ERP44: variants seen among roughly 807,000 people sequenced by gnomAD.
ERP44 encodes endoplasmic reticulum resident protein 44.
In ERP44, 25 loss-of-function variants were observed where a neutral mutation model predicts 53.4. The ratio of observed to expected loss-of-function variants is 0.47; its 90% CI spans 0.34 to 0.65. The LOEUF (loss-of-function observed/expected upper bound fraction) is 0.65, where lower values mean the gene tolerates loss of function less well. Among genes scored for constraint, ERP44 ranks in the 30% least tolerant of loss-of-function variants. ERP44 has a pLI of 0.01. For missense variants in ERP44, 338 were observed against 493.2 expected, an observed-to-expected ratio of 0.69 and a Z score of 2.98; for synonymous variants, 145 against 161.2, an observed-to-expected ratio of 0.90 and a Z score of 0.76.
At chr9:100,034,533 T>G (rs532775123) in intron 4 of ERP44, among the ~76,000 whole-genome samples, 3 of 152,072 alleles carry the variant, frequency 2.0e-5, no homozygotes, top group African/African-American at 4.8e-5. Context: ...TTTTATTCCC[T>G]TGCTTTCCTA....
At chr9:99,994,675 A>C (rs1830291936) in intron 10 of ERP44, among the ~76,000 whole-genome samples, 4 of 152,152 alleles carry the variant, frequency 2.6e-5, no homozygotes. Context: ...ATCTATTACC[A>C]TACTTGTATG....
At chr9:100,066,764 A>C (rs1243782062) in intron 1 of ERP44, among the ~76,000 whole-genome samples, 1 of 152,208 alleles carries the variant, frequency 6.6e-6, no homozygotes, top group Admixed American at 6.5e-5. Context: ...CTCGCAGATA[A>C]GAGAAGTATA....
chr9:100,043,291 A>AAAAAAAAAAAACAAAAAAAAAG (rs1168903331), intron 4 of ERP44, among the ~76,000 whole-genome samples: 1 of 74,878 alleles, frequency 1.3e-5, no homozygotes, highest in Non-Finnish European at 2.3e-5. Context: ...AAAAAAAAAA[A>AAAAAAAAAAAACAAAAAAAAAG]GATAAATAAG....
chr9:100,060,050 ACT>A (rs1826126574), intron 2 of ERP44, 48 bp downstream of exon 2: 1 of 1,316,890 alleles, frequency 7.6e-7, no homozygotes, highest in Non-Finnish European at 9.8e-7. Context: ...ATATAAACTA[ACT>A]CTCTATAGAG....
chr9:99,988,353 AAG>A (rs955030886), intron 10 of ERP44, among the ~76,000 whole-genome samples: 1 of 152,202 alleles, frequency 6.6e-6, no homozygotes, highest in African/African-American at 2.4e-5. Context: ...CCAGGTCATA[AAG>A]AGTTTCTCCT....
At chr9:100,040,436 T>C (rs1391406665) in intron 4 of ERP44, among the ~76,000 whole-genome samples, 1 of 152,192 alleles carries the variant, frequency 6.6e-6, no homozygotes, top group Non-Finnish European at 1.5e-5. Flanking sequence ...TTTCAATTGA[T>C]GCTGAAAAAG....
intron 4 of ERP44, among the ~76,000 whole-genome samples, chr9:100,043,291 A>AAAAAAAAAAAAAAAAAAAAAACAAAAAAG (rs1168903331): frequency 1.3e-5 from 1 of 74,878 alleles, no homozygotes; most frequent in Non-Finnish European, 2.3e-5. Context: ...AAAAAAAAAA[A>AAAAAAAAAAAAAAAAAAAAAACAAAAAAG]GATAAATAAG....
At chr9:100,053,317 TTTTAC>T (rs1405816457) in intron 3 of ERP44, among the ~76,000 whole-genome samples, 1 of 152,208 alleles carries the variant, frequency 6.6e-6, no homozygotes, top group African/African-American at 2.4e-5. Context: ...TTCTTTTTTC[TTTTAC>T]TTTAAACACA....
At chr9:100,040,116 T>C (rs1479882943) in intron 4 of ERP44, among the ~76,000 whole-genome samples, 1 of 152,192 alleles carries the variant, frequency 6.6e-6, no homozygotes. Flanking sequence ...ATACCAATCC[T>C]ACTCAAACTA....
intron 4 of ERP44, among the ~76,000 whole-genome samples, chr9:100,039,835 G>C (rs1825883596): frequency 6.6e-6 from 1 of 151,982 alleles, no homozygotes; most frequent in African/African-American, 2.4e-5. Flanking sequence ...TGAAAAAGGA[G>C]ACATCACAAC....
chr9:100,048,320 A>G (rs1422897026), intron 4 of ERP44, among the ~76,000 whole-genome samples: 1 of 152,124 alleles, frequency 6.6e-6, no homozygotes, highest in African/African-American at 2.4e-5. Context: ...CTTAAAGTAT[A>G]ATAATAATAA....
At chr9:99,985,158 A>C in intron 10 of ERP44, 89 bp from the exon 11 acceptor site, 1 of 799,588 alleles carries the variant, frequency 1.3e-6, no homozygotes, top group Non-Finnish European at 2.1e-6. Flanking sequence ...ACTTTTGCTA[A>C]CCTATAGTCC....
At chr9:100,024,812 C>A (rs542452123) in intron 4 of ERP44, among the ~76,000 whole-genome samples, 1 of 152,192 alleles carries the variant, frequency 6.6e-6, no homozygotes, top group African/African-American at 2.4e-5. Flanking sequence ...ACTGGTATGA[C>A]CTCATGTTGT....
chr9:100,096,350 T>C (rs1826628440), intron 1 of ERP44, among the ~76,000 whole-genome samples: 1 of 151,154 alleles, frequency 6.6e-6, no homozygotes, highest in South Asian at 2.1e-4. Context: ...GCTAATTAAA[T>C]CTATCTATCT....
intron 1 of ERP44, among the ~76,000 whole-genome samples, chr9:100,090,943 C>T (rs569483481): frequency 3.3e-5 from 5 of 152,218 alleles, no homozygotes; most frequent in African/African-American, 9.6e-5. Flanking sequence ...GACCTAACAA[C>T]CTTTTTCTAA....
intron 4 of ERP44, among the ~76,000 whole-genome samples, chr9:100,041,075 A>C (rs1825895505): frequency 6.6e-6 from 1 of 152,160 alleles, no homozygotes; most frequent in Admixed American, 6.5e-5. Flanking sequence ...TATTACTACC[A>C]AAAGCAATCT....
intron 1 of ERP44, among the ~76,000 whole-genome samples, chr9:100,084,252 A>C (rs933349197): frequency 1.3e-5 from 2 of 152,208 alleles, no homozygotes; most frequent in Non-Finnish European, 2.9e-5. Flanking sequence ...CTTTCTAACT[A>C]CAAACTTAAA....
intron 10 of ERP44, among the ~76,000 whole-genome samples, chr9:99,999,685 C>G (rs942278045): frequency 6.6e-6 from 1 of 151,960 alleles, no homozygotes; most frequent in Admixed American, 6.5e-5. Flanking sequence ...TTTAGTTTGA[C>G]GTAATCCAAT....
At position 99,980,139 on chromosome 9, in the gene ERP44, A is replaced by ATCTC. The variant is rs1176302206; in HGVS notation, c.*2469_*2472dup. ...CTCAAAATAAAAATAATGTCCTCAA[A>ATCTC]TCTCTGCAATTGAGTGCTCCTTTAT... is the stretch of plus-strand genomic sequence containing the variant. On this transcript the variant is annotated 3_prime_UTR_variant, in exon 12 of 12. Transcript: ENST00000262455. The ATCTC allele has an allele frequency of 1.3e-5, 5 of 398,106 alleles. No homozygotes were observed. The highest frequency in any genetic ancestry group is 8.2e-5 in the African/African-American group (4 of 48,594). 24.7% of individuals were successfully genotyped at this position (398,106 alleles called of 1,614,324 possible). A position where few individuals can be genotyped will look rare whatever the true frequency, so the allele number is the denominator to read the frequency against.
Sources: allele counts gnomAD v4.1 joint callset (sites outside exome capture counted in the v4.1 genomes callset), GRCh38; gene constraint gnomAD v4.1.1; transcripts MANE v1.5; gene names NCBI Gene and HGNC (gene_info 2026-07-23, HGNC 2026-07-21).